TDRD15: variants seen among roughly 807,000 people sequenced by gnomAD.
The protein encoded by TDRD15 is tudor domain-containing protein 15.
For missense variants in TDRD15, 1,416 were observed against 904.7 expected, an observed-to-expected ratio of 1.57 and a Z score of -7.25; for synonymous variants, 503 against 314.5, an observed-to-expected ratio of 1.60 and a Z score of -6.34.
intron 2 of TDRD15, among the ~76,000 whole-genome samples, chr2:21,129,964 G>A (rs1553307100): frequency 6.6e-6 from 1 of 152,144 alleles, no homozygotes; most frequent in Non-Finnish European, 1.5e-5. Flanking sequence ...GCATCACGTG[G>A]ACAGGGGGTG....
intron 2 of TDRD15, among the ~76,000 whole-genome samples, chr2:21,128,287 T>C (rs1385366088): frequency 1.3e-5 from 2 of 151,878 alleles, no homozygotes; most frequent in African/African-American, 2.4e-5. Context: ...TTCCATGTTA[T>C]GGTTTTTTTT....
At chr2:21,128,488 A>G (rs552933191) in intron 2 of TDRD15, among the ~76,000 whole-genome samples, 4 of 151,672 alleles carry the variant, frequency 2.6e-5, no homozygotes, top group African/African-American at 4.8e-5. Context: ...ACGCCTGGCT[A>G]ATTTTTTGTA....
At chr2:21,134,677 AT>A (rs1255440249) in intron 2 of TDRD15, 84 bp from the exon 3 acceptor site, 1 of 152,016 alleles carries the variant, frequency 6.6e-6, no homozygotes, top group African/African-American at 2.4e-5. Flanking sequence ...TTGCAAAAAA[AT>A]CTTTTGCATT....
Position 21,138,481 on chromosome 2 carries a change from G to A in TDRD15, c.1014G>A (p.Lys338=), listed in dbSNP as rs183918729. 13 of 715,100 alleles carry A rather than the reference G, an allele frequency of 1.8e-5. No homozygotes were observed. In the East Asian group the frequency reaches 3.5e-4, roughly 19 times the overall value. 44.3% of individuals were successfully genotyped at this position (715,100 alleles called of 1,614,324 possible). A position where few individuals can be genotyped will look rare whatever the true frequency, so the allele number is the denominator to read the frequency against. ...AGGCTATACCCTCAATTTATGTAAAGAAACTTAAACAGGATTTTATTTTAG... is the reference window on the plus strand; with the variant it reads ...AGGCTATACCCTCAATTTATGTAAAAAAACTTAAACAGGATTTTATTTTAG... ...SSEAIPSIYV[K]KLKQDFILVP... The change falls in exon 4 of 4, where the codon AAG becomes AAA. Residue 338 remains lysine, a synonymous_variant. Coordinates refer to ENST00000405799, the MANE Select transcript of TDRD15 (RefSeq NM_001306137.2).
chr2:21,134,999 A>C (rs904878487), intron 3 of TDRD15, among the ~76,000 whole-genome samples, 152 bp downstream of exon 3: 1 of 147,064 alleles, frequency 6.8e-6, no homozygotes, highest in Non-Finnish European at 1.5e-5. Context: ...TTTATATATA[A>C]ATTGTATTTA....
intron 2 of TDRD15, among the ~76,000 whole-genome samples, chr2:21,128,693 T>C (rs927332942): frequency 6.6e-6 from 1 of 152,156 alleles, no homozygotes; most frequent in African/African-American, 2.4e-5. Flanking sequence ...TTATGGTTTT[T>C]GGGTTTCTAT....
At chr2:21,136,823 A>G (rs575653284) in intron 3 of TDRD15, among the ~76,000 whole-genome samples, 2 of 152,118 alleles carry the variant, frequency 1.3e-5, no homozygotes, top group Non-Finnish European at 2.9e-5. Flanking sequence ...TAAGGTCTGG[A>G]TATACCTAAC....
chr2:21,127,406 TTC>T (rs1436932237), intron 1 of TDRD15, among the ~76,000 whole-genome samples, 193 bp from the exon 2 acceptor site: 14 of 152,362 alleles, frequency 9.2e-5, no homozygotes, highest in Admixed American at 7.8e-4. Flanking sequence ...ACCTATGATT[TTC>T]TGTTTTTTTC....
intron 2 of TDRD15, among the ~76,000 whole-genome samples, chr2:21,129,210 AT>A (rs1665661317): frequency 6.6e-6 from 1 of 152,012 alleles, no homozygotes; most frequent in Non-Finnish European, 1.5e-5. Context: ...TCCTGTCCAA[AT>A]TTTTGTGTGG....
At chr2:21,144,745 TAAAC>T (rs1238361653), downstream of TDRD15, among the ~76,000 whole-genome samples, 1 of 151,908 alleles carries the variant, frequency 6.6e-6, no homozygotes, top group East Asian at 1.9e-4. Flanking sequence ...CACTTTCAAA[TAAAC>T]CTATTCAGAA....
Position 21,137,578 on chromosome 2 carries a change from T to C in TDRD15, c.111T>C (p.Asn37=). The change falls in exon 4 of 4, where the codon AAT becomes AAC. Residue 37 remains asparagine, a synonymous_variant. Transcript: ENST00000405799. ...ILVKFQGIKS[N]ECEFDYHVLQ... ...TGAAATTTCAAGGCATAAAGAGTAA[T>C]GAATGTGAGTTTGACTACCATGTAT... 2 of 715,632 alleles carry C rather than the reference T, an allele frequency of 2.8e-6. No individual in the cohort carries two copies. The highest frequency in any genetic ancestry group is 5.2e-6 in the Non-Finnish European group (2 of 384,130). The allele number at this position is 715,632 out of a possible 1,614,324, so 44.3% of individuals were successfully genotyped here. A position where few individuals can be genotyped will look rare whatever the true frequency, so the allele number is the denominator to read the frequency against.
chr2:21,126,012 A>ATGTG (rs144032102), intron 1 of TDRD15, among the ~76,000 whole-genome samples: 15 of 149,502 alleles, frequency 1.0e-4, no homozygotes, highest in East Asian at 4.0e-4. Flanking sequence ...GTGTGTGTGT[A>ATGTG]TGTGTGTGTG....
At chr2:21,134,733 C>A (rs1020416144) in intron 2 of TDRD15, 29 bp from the exon 3 acceptor site, 1 of 151,630 alleles carries the variant, frequency 6.6e-6, no homozygotes, top group African/African-American at 2.4e-5. Flanking sequence ...TTGAAAAATC[C>A]TAATTTAATT....
In TDRD15 at chr2:21,138,354, G is replaced by C; in HGVS notation, c.887G>C (p.Cys296Ser). 2.8e-6 allele frequency: 2 copies of C among 716,546 alleles called. No individual in the cohort carries two copies. Among genetic ancestry groups the C allele is most frequent in the Non-Finnish European group, 5.2e-6 (2 of 384,444 alleles). The allele number at this position is 716,546 out of a possible 1,614,324, so 44.4% of individuals were successfully genotyped here. ...SPTCDNFGLL[C>S]VARRRNGQWH... ...ACGTGTGATAATTTTGGACTGCTTT[G>C]TGTTGCCAGAAGGCGAAATGGACAG... is the stretch of plus-strand genomic sequence containing the variant. The change falls in exon 4 of 4, where the codon TGT (cysteine) becomes TCT (serine). Residue 296 changes from cysteine (C) to serine (S), a missense_variant. Transcript: ENST00000405799.
At chr2:21,125,869 C>T (rs1287804430) in intron 1 of TDRD15, among the ~76,000 whole-genome samples, 1 of 152,114 alleles carries the variant, frequency 6.6e-6, no homozygotes, top group Non-Finnish European at 1.5e-5. Flanking sequence ...CTGACCTCCT[C>T]CCAAATTGTA....
chr2:21,126,307 G>C (rs967028264), intron 1 of TDRD15, among the ~76,000 whole-genome samples: 1 of 151,660 alleles, frequency 6.6e-6, no homozygotes, highest in Admixed American at 6.6e-5. Context: ...CTGCCTCTTT[G>C]TGTTTCAGCA....
At position 21,139,288 on chromosome 2, in the gene TDRD15, A is replaced by G. The variant is rs1181415257; in HGVS notation, c.1821A>G (p.Leu607=). The change falls in exon 4 of 4, where the codon TTA becomes TTG. Residue 607 remains leucine (L), a synonymous_variant. Transcript: ENST00000405799. ...SLAHIFPVED[L]WTKAAIDYFK... is the part of the protein sequence containing the mutation. The stretch of plus-strand genomic sequence containing the variant: ...CACATATATTTCCTGTTGAAGATTT[A>G]TGGACTAAGGCTGCAATTGATTATT... 1.4e-6 allele frequency: 1 copy of G among 713,818 alleles called. No homozygotes were observed. Among genetic ancestry groups the G allele is most frequent in the Admixed American group, 2.0e-5 (1 of 49,506 alleles). The allele number at this position is 713,818 out of a possible 1,614,324, so 44.2% of individuals were successfully genotyped here.
downstream of TDRD15, among the ~76,000 whole-genome samples, chr2:21,145,452 T>C (rs1005232537): frequency 6.6e-6 from 1 of 152,002 alleles, no homozygotes; most frequent in Non-Finnish European, 1.5e-5. Context: ...TCAAATTCTT[T>C]AAGAACCCAC....
downstream of TDRD15, among the ~76,000 whole-genome samples, chr2:21,144,576 A>G (rs1666003392): frequency 6.6e-6 from 1 of 151,904 alleles, no homozygotes; most frequent in Non-Finnish European, 1.5e-5. Flanking sequence ...TGGTAGCGAT[A>G]GAAACAGCTA....
Sources: gnomAD v4.1 joint callset for allele counts (sites outside exome capture counted in the v4.1 genomes callset) on GRCh38, gnomAD v4.1.1 for gene constraint, MANE v1.5 for transcripts, NCBI Gene and HGNC (gene_info 2026-07-23, HGNC 2026-07-21) for gene names.